MCF2L2: variants seen among roughly 807,000 people sequenced by gnomAD.
The protein encoded by MCF2L2 is MCF.2 cell line derived transforming sequence-like 2.
MCF2L2 carries 102 observed loss-of-function variants against 150.2 expected under a neutral mutation model. That is an observed-to-expected ratio of 0.68 (90% CI 0.58 to 0.80). MCF2L2 has a LOEUF of 0.80. Ranked by LOEUF, MCF2L2 falls within the 30% of genes least tolerant of loss-of-function variation. The pLI is 0.00. For missense variants in MCF2L2, 1,256 were observed against 1,372.8 expected (o/e 0.91, Z 1.34); for synonymous variants, 465 against 491.3 (o/e 0.95, Z 0.71).
intron 27 of MCF2L2, among the ~76,000 whole-genome samples, chr3:183,189,612 G>A (rs1360763855): frequency 1.1e-4 from 17 of 149,590 alleles, no homozygotes; most frequent in Middle Eastern, 3.4e-3. Flanking sequence ...AAAGAGAGCA[G>A]TTACCATACT....
At chr3:183,206,323 T>C (rs569839816) in intron 23 of MCF2L2, 109 bp from the exon 24 acceptor site, 7 of 834,534 alleles carry the variant, frequency 8.4e-6, no homozygotes, top group Non-Finnish European at 1.4e-5. Flanking sequence ...TCTTCTTTCA[T>C]CTTCCTTTCA....
chr3:183,306,319 C>A (rs1285100143), intron 10 of MCF2L2, among the ~76,000 whole-genome samples: 1 of 152,090 alleles, frequency 6.6e-6, no homozygotes, highest in African/African-American at 2.4e-5. Context: ...AAATAGTCAT[C>A]AAAATCTCCA....
In MCF2L2 at chr3:183,192,667, G is replaced by A. The variant is rs1237715517; in HGVS notation, c.3016+332C>T. The A allele has an allele frequency of 3.5e-5, 8 of 231,146 alleles. 1 individual carries two copies. In the South Asian group the frequency reaches 5.4e-4, roughly 16 times the overall value. 14.3% of individuals were successfully genotyped at this position (231,146 alleles called of 1,614,324 possible). Reference sequence around the variant, plus strand: ...AATGGCATATCATTTAAAACTCATCGATTGTTTATTTCTGTAATTTTTCCA... The same window carrying A: ...AATGGCATATCATTTAAAACTCATCAATTGTTTATTTCTGTAATTTTTCCA... On this transcript the variant is annotated intron_variant, in intron 27 of 29. Coordinates refer to ENST00000328913, the MANE Select transcript of MCF2L2 (RefSeq NM_015078.4).
At chr3:183,248,290 T>C (rs1724351741) in intron 15 of MCF2L2, among the ~76,000 whole-genome samples, 1 of 152,200 alleles carries the variant, frequency 6.6e-6, no homozygotes, top group Non-Finnish European at 1.5e-5. Flanking sequence ...TAAATGTATA[T>C]GGTTTCAGAT....
chr3:183,230,443 G>A (rs1723506856), intron 16 of MCF2L2, among the ~76,000 whole-genome samples: 1 of 152,140 alleles, frequency 6.6e-6, no homozygotes, highest in South Asian at 2.1e-4. Context: ...TCTGAATAAT[G>A]TTTACTCAGC....
At chr3:183,383,293 G>A (rs1442149632) in intron 2 of MCF2L2, among the ~76,000 whole-genome samples, 1 of 151,982 alleles carries the variant, frequency 6.6e-6, no homozygotes, top group African/African-American at 2.4e-5. Flanking sequence ...GGAGTGCAAT[G>A]GCACGATCTC....
At chr3:183,259,670 T>C (rs967966048) in intron 15 of MCF2L2, among the ~76,000 whole-genome samples, 1 of 152,126 alleles carries the variant, frequency 6.6e-6, no homozygotes, top group Non-Finnish European at 1.5e-5. Context: ...CTGAGTCCGG[T>C]ACTTTTTTGC....
intron 22 of MCF2L2, among the ~76,000 whole-genome samples, chr3:183,210,095 A>G (rs1722639615): frequency 6.6e-6 from 1 of 152,214 alleles, no homozygotes; most frequent in African/African-American, 2.4e-5. Context: ...ATAGAAAATA[A>G]CCGAGGGAAT....
intron 1 of MCF2L2, among the ~76,000 whole-genome samples, chr3:183,416,766 G>A (rs894754751): frequency 6.6e-6 from 1 of 151,802 alleles, no homozygotes; most frequent in Admixed American, 6.6e-5. Flanking sequence ...AAAATATAAA[G>A]TACAGCAACT....
intron 5 of MCF2L2, among the ~76,000 whole-genome samples, chr3:183,326,885 T>C (rs1305760556): frequency 6.6e-6 from 1 of 152,176 alleles, no homozygotes; most frequent in Non-Finnish European, 1.5e-5. Flanking sequence ...TCTGATTTTT[T>C]ACAAAGGTGC....
intron 27 of MCF2L2, among the ~76,000 whole-genome samples, chr3:183,182,289 C>G (rs973363677): frequency 6.6e-6 from 1 of 152,104 alleles, no homozygotes; most frequent in African/African-American, 2.4e-5. Flanking sequence ...ACAGGACCCA[C>G]CTGGGCCAGT....
chr3:183,269,796 G>T, intron 15 of MCF2L2: 1 of 1,598,324 alleles, frequency 6.3e-7, no homozygotes, highest in Admixed American at 1.7e-5. Context: ...GACTTGAGTG[G>T]ATATGAGAAT....
chr3:183,425,229 T>C (rs971265737), intron 1 of MCF2L2, among the ~76,000 whole-genome samples: 17 of 151,952 alleles, frequency 1.1e-4, no homozygotes, highest in Admixed American at 1.0e-3. Flanking sequence ...AAGACACTTA[T>C]GGAAATATGG....
chr3:183,330,245 G>GAAAAAAAAAAAAAAAAAAA (rs200391954), intron 5 of MCF2L2, among the ~76,000 whole-genome samples: 1 of 57,348 alleles, frequency 1.7e-5, no homozygotes, highest in Non-Finnish European at 3.4e-5. Flanking sequence ...ACCCTGTCTT[G>GAAAAAAAAAAAAAAAAAAA]AAAAAAAAAA....
At position 183,309,510 on chromosome 3, in the gene MCF2L2, C is replaced by T. The variant is rs543997671; in HGVS notation, c.1113+206G>A. ...AGCGTCCAACTGCAACTGTATGTTC[C>T]GGCAGCTTTAATAGGACTCTGTGCT... On this transcript the variant is annotated intron_variant, in intron 10 of 29. Coordinates refer to ENST00000328913, the MANE Select transcript of MCF2L2 (RefSeq NM_015078.4). Among the ~76,000 whole-genome samples the T allele has an allele frequency of 6.2e-4, 94 of 152,178 alleles. 1 individual carries two copies. Among genetic ancestry groups the T allele is most frequent in the Admixed American group, 2.0e-3 (31 of 15,274 alleles).
intron 15 of MCF2L2, chr3:183,253,112 G>C (rs1211023195): frequency 6.6e-6 from 1 of 152,162 alleles, no homozygotes; most frequent in Non-Finnish European, 1.5e-5. Context: ...GAACAAACTG[G>C]GGCGGGGCCC....
intron 15 of MCF2L2, among the ~76,000 whole-genome samples, chr3:183,235,771 C>T (rs1723794813): frequency 2.0e-5 from 1 of 50,186 alleles, no homozygotes; most frequent in Non-Finnish European, 3.2e-5. Context: ...GAAGTCCTTG[C>T]CCACGCCTAT....
At chr3:183,191,424 C>T (rs1173504191) in intron 27 of MCF2L2, among the ~76,000 whole-genome samples, 1 of 152,184 alleles carries the variant, frequency 6.6e-6, no homozygotes, top group Admixed American at 6.5e-5. Flanking sequence ...TTTATAATGA[C>T]AGGTACAGTA....
chr3:183,258,113 A>G (rs964404039), intron 15 of MCF2L2, among the ~76,000 whole-genome samples: 1 of 151,742 alleles, frequency 6.6e-6, no homozygotes, highest in Non-Finnish European at 1.5e-5. Flanking sequence ...GATTACAGGC[A>G]TGCTCCACCA....
Sources: gnomAD v4.1 joint callset for allele counts (sites outside exome capture counted in the v4.1 genomes callset) on GRCh38, gnomAD v4.1.1 for gene constraint, MANE v1.5 for transcripts, NCBI Gene and HGNC (gene_info 2026-07-23, HGNC 2026-07-21) for gene names.